UNC13C: variants seen among roughly 807,000 people sequenced by gnomAD.
UNC13C encodes protein unc-13 homolog C.
A neutral mutation model predicts 245.4 loss-of-function variants in UNC13C; 174 were observed. That is an observed-to-expected ratio of 0.71 (90% CI 0.63 to 0.80). The LOEUF is 0.80. UNC13C is among the 30% of genes least tolerant of loss of function. The probability of loss-of-function intolerance (pLI) is 0.00; values close to 1 mark genes in which losing one functional copy is unlikely to be tolerated. For missense variants in UNC13C, 2,829 were observed against 2,602.9 expected (o/e 1.09, Z -1.89); for synonymous variants, 992 against 895.1 (o/e 1.11, Z -1.93).
intron 19 of UNC13C, among the ~76,000 whole-genome samples, chr15:54,427,870 G>T (rs58725074): frequency 0.26 from 39,578 of 151,592 alleles, 5,456 homozygotes; most frequent in African/African-American, 0.34. Context: ...AACTACCTCT[G>T]TTGTGCTTGA....
At chr15:53,981,093 G>A (rs964002803) in intron 1 of UNC13C, among the ~76,000 whole-genome samples, 1 of 152,054 alleles carries the variant, frequency 6.6e-6, no homozygotes, top group Non-Finnish European at 1.5e-5. Flanking sequence ...TCTGTTTTTT[G>A]TAATATCAGA....
chr15:54,308,392 A>T (rs1169310615), intron 13 of UNC13C, among the ~76,000 whole-genome samples: 1 of 151,946 alleles, frequency 6.6e-6, no homozygotes, highest in African/African-American at 2.4e-5. Context: ...ATTGATTGAT[A>T]AAATTTTATG....
chr15:54,571,840 A>G (rs1897769338), intron 30 of UNC13C, among the ~76,000 whole-genome samples: 1 of 152,148 alleles, frequency 6.6e-6, no homozygotes, highest in Non-Finnish European at 1.5e-5. Context: ...GAAGAAGAGA[A>G]AATCTCTATC....
the UNC13C span, among the ~76,000 whole-genome samples, chr15:53,852,474 C>T: frequency 1.3e-5 from 2 of 152,086 alleles, no homozygotes; most frequent in Admixed American, 6.6e-5. Context: ...TACGTATGTA[C>T]AGATGGATAT....
chr15:54,505,806 G>C (rs181438916), intron 22 of UNC13C, among the ~76,000 whole-genome samples: 1 of 131,684 alleles, frequency 7.6e-6, no homozygotes, highest in African/African-American at 2.9e-5. Context: ...TATTCTATAT[G>C]ACTGTGCACT....
At chr15:54,325,908 CTATT>C (rs1045065687) in intron 14 of UNC13C, among the ~76,000 whole-genome samples, 6 of 151,774 alleles carry the variant, frequency 4.0e-5, no homozygotes, top group African/African-American at 1.2e-4. Context: ...GATTTTTAAA[CTATT>C]TAATAAGGTA....
intron 4 of UNC13C, among the ~76,000 whole-genome samples, chr15:54,144,063 T>C (rs1463862434): frequency 6.6e-6 from 1 of 152,184 alleles, no homozygotes; most frequent in Admixed American, 6.5e-5. Flanking sequence ...TGAACATTTT[T>C]CCTGTCAACA....
intron 8 of UNC13C, among the ~76,000 whole-genome samples, chr15:54,251,873 C>T (rs2140868681): frequency 6.6e-6 from 1 of 152,264 alleles, no homozygotes; most frequent in South Asian, 2.1e-4. Flanking sequence ...TAAGTTTTCT[C>T]TATCTGATTA....
intron 23 of UNC13C, among the ~76,000 whole-genome samples, chr15:54,508,925 C>T (rs187482622): frequency 1.3e-5 from 2 of 152,092 alleles, no homozygotes; most frequent in Non-Finnish European, 2.9e-5. Context: ...ATAGGCCGGG[C>T]GCGGTGGCTC....
chr15:54,533,209 A>G, intron 26 of UNC13C, 143 bp downstream of exon 26: 1 of 611,180 alleles, frequency 1.6e-6, no homozygotes, highest in Non-Finnish European at 2.7e-6. Context: ...ATAAATAAAT[A>G]AATTCATTAA....
At chr15:54,264,801 G>C (rs1235070335) in intron 9 of UNC13C, among the ~76,000 whole-genome samples, 1 of 151,762 alleles carries the variant, frequency 6.6e-6, no homozygotes, top group East Asian at 1.9e-4. Flanking sequence ...CTCGAGTCAG[G>C]ACAATTTGAG....
At chr15:54,499,972 G>A in intron 20 of UNC13C, 107 bp from the exon 21 acceptor site, 1 of 814,120 alleles carries the variant, frequency 1.2e-6, no homozygotes, top group Non-Finnish European at 1.9e-6. Context: ...AGAATGAAAG[G>A]AGATTGTTGA....
chr15:53,852,716 C>T, the UNC13C span, among the ~76,000 whole-genome samples: 3 of 152,032 alleles, frequency 2.0e-5, no homozygotes, highest in Non-Finnish European at 2.9e-5. Context: ...CTGTCTCTGC[C>T]GTCATAGCCC....
At chr15:54,238,460 C>T (rs1183351194) in intron 7 of UNC13C, among the ~76,000 whole-genome samples, 3 of 152,234 alleles carry the variant, frequency 2.0e-5, no homozygotes, top group African/African-American at 7.2e-5. Context: ...TGCCACTTAA[C>T]TAGAATTATT....
At chr15:53,936,519 G>A in the UNC13C span, among the ~76,000 whole-genome samples, 1 of 152,320 alleles carries the variant, frequency 6.6e-6, no homozygotes, top group African/African-American at 2.4e-5. Context: ...GCTCTGCCAA[G>A]GGGCAGCCAG....
At chr15:54,370,167 G>A (rs2039457858) in intron 17 of UNC13C, among the ~76,000 whole-genome samples, 1 of 152,022 alleles carries the variant, frequency 6.6e-6, no homozygotes, top group Admixed American at 6.6e-5. Flanking sequence ...ACAGATAGGG[G>A]GAAAAAGACA....
chr15:54,218,145 G>A (rs2035099623), intron 4 of UNC13C, among the ~76,000 whole-genome samples: 1 of 152,042 alleles, frequency 6.6e-6, no homozygotes, highest in African/African-American at 2.4e-5. Flanking sequence ...TAAAACAATT[G>A]TTCTCAGACA....
intron 19 of UNC13C, among the ~76,000 whole-genome samples, chr15:54,458,231 C>T (rs1891640755): frequency 6.6e-6 from 1 of 151,928 alleles, no homozygotes; most frequent in Non-Finnish European, 1.5e-5. Flanking sequence ...AATTTTATTT[C>T]ACTGTGACCT....
chr15:54,474,717 A>G (rs1315026190), intron 19 of UNC13C, among the ~76,000 whole-genome samples: 2 of 151,692 alleles, frequency 1.3e-5, no homozygotes. Context: ...GTCCATTTGC[A>G]CTGGTATAAG....
Sources: allele counts gnomAD v4.1 joint callset (sites outside exome capture counted in the v4.1 genomes callset), GRCh38; gene constraint gnomAD v4.1.1; transcripts MANE v1.5; gene names NCBI Gene and HGNC (gene_info 2026-07-23, HGNC 2026-07-21).